RORA: variants seen among roughly 807,000 people sequenced by gnomAD.
The protein encoded by RORA is nuclear receptor ROR-alpha.
RORA carries 7 observed loss-of-function variants against 69.5 expected under a neutral mutation model. The ratio of observed to expected loss-of-function variants is 0.10; its 90% CI spans 0.06 to 0.19. The LOEUF (loss-of-function observed/expected upper bound fraction) is 0.19, where lower values mean the gene tolerates loss of function less well. Among genes scored for constraint, RORA ranks in the 10% least tolerant of loss-of-function variants. The pLI, the probability that RORA is intolerant of heterozygous loss-of-function variation, is 1.00. For missense variants in RORA, 457 were observed against 663.0 expected, an observed-to-expected ratio of 0.69 and a Z score of 3.41; for synonymous variants, 261 against 240.8, an observed-to-expected ratio of 1.08 and a Z score of -0.78.
chr15:60,986,952 A>G (rs1426910239), intron 1 of RORA, among the ~76,000 whole-genome samples: 1 of 152,054 alleles, frequency 6.6e-6, no homozygotes, highest in African/African-American at 2.4e-5. Context: ...TGGTTTTTTC[A>G]TATGTTTGTT....
intron 1 of RORA, among the ~76,000 whole-genome samples, chr15:61,135,422 T>G (rs1364701037): frequency 1.3e-5 from 2 of 152,032 alleles, no homozygotes; most frequent in African/African-American, 4.8e-5. Context: ...GGAAAACTAA[T>G]AGTATCTATT....
At chr15:61,015,632 T>C (rs566592246) in intron 1 of RORA, among the ~76,000 whole-genome samples, 42 of 152,308 alleles carry the variant, frequency 2.8e-4, no homozygotes, top group Admixed American at 1.3e-3. Context: ...CACAATGCCA[T>C]GAAGTCTGTG....
intron 1 of RORA, among the ~76,000 whole-genome samples, chr15:60,756,541 C>T (rs1159437076): frequency 1.3e-5 from 2 of 152,114 alleles, no homozygotes; most frequent in African/African-American, 2.4e-5. Flanking sequence ...AAGATCTCTC[C>T]GTTAAGTTCA....
chr15:61,074,163 T>C (rs1434545342), intron 1 of RORA, among the ~76,000 whole-genome samples: 2 of 152,182 alleles, frequency 1.3e-5, no homozygotes, highest in African/African-American at 4.8e-5. Flanking sequence ...CCAACACACT[T>C]TGATCTCACT....
At position 60,723,609 on chromosome 15, in the gene RORA, C is replaced by T. The variant is rs534538380; in HGVS notation, c.167-44923G>A. Among the ~76,000 whole-genome samples the T allele has an allele frequency of 1.5e-4, 23 of 152,186 alleles. 1 individual carries two copies. The highest frequency in any genetic ancestry group is 8.5e-4 in the Admixed American group (13 of 15,280). ...ATAATCCTCCCTGGAGGTTTTCACACTAAAACAAATATGGAATAAACTCAT... is the reference window on the plus strand; with the variant it reads ...ATAATCCTCCCTGGAGGTTTTCACATTAAAACAAATATGGAATAAACTCAT... On this transcript the variant is annotated intron_variant, in intron 1 of 10. Coordinates refer to ENST00000335670, the MANE Select transcript of RORA (RefSeq NM_134261.3).
At position 60,991,954 on chromosome 15, in the gene RORA, A is replaced by T. The variant is rs546793955; in HGVS notation, c.166+237099T>A. 2.6e-5 allele frequency among the ~76,000 whole-genome samples: 4 copies of T among 152,224 alleles called. No individual in the cohort carries two copies. The East Asian group carries it at 7.7e-4, about 29-fold the overall frequency. On this transcript the variant is annotated intron_variant, in intron 1 of 10. Transcript: ENST00000335670. Reference sequence around the variant, plus strand: ...AATAAAGTAAAATAAAATGGTAAAAAGTTAGAAACAACCTCAATGTCTAAC... The same window carrying T: ...AATAAAGTAAAATAAAATGGTAAAATGTTAGAAACAACCTCAATGTCTAAC...
chr15:60,943,676 G>A (rs1012194222), intron 1 of RORA, among the ~76,000 whole-genome samples: 4 of 152,008 alleles, frequency 2.6e-5, no homozygotes, highest in Admixed American at 2.6e-4. Flanking sequence ...AGCACTTTGG[G>A]AGGCTGAGGT....
intron 2 of RORA, among the ~76,000 whole-genome samples, chr15:60,649,876 A>G (rs1038453334): frequency 2.0e-5 from 3 of 152,116 alleles, no homozygotes; most frequent in Non-Finnish European, 4.4e-5. Context: ...AAAGCTCAAA[A>G]TGCAGTTCTG....
chr15:60,834,454 T>C (rs1204639774), intron 1 of RORA, among the ~76,000 whole-genome samples: 2 of 152,186 alleles, frequency 1.3e-5, no homozygotes, highest in African/African-American at 2.4e-5. Flanking sequence ...GCCCCAGATA[T>C]GTCCTAGGAT....
At position 61,128,225 on chromosome 15, in the gene RORA, C is replaced by G. The variant is rs536468881; in HGVS notation, c.166+100828G>C. 1.0e-3 allele frequency among the ~76,000 whole-genome samples: 133 copies of G among 131,998 alleles called. No individual in the cohort carries two copies. The highest frequency in any genetic ancestry group is 3.3e-3 in the African/African-American group (124 of 38,040). The allele number at this position is 131,998 out of a possible 152,430, so 86.6% of individuals were successfully genotyped here. ...CACACGTGTGTGTGTGTGTGTGTGT[C>G]TGTGTGTGAGTGTGTTTCTGCAAGG... is the stretch of plus-strand genomic sequence containing the variant. On this transcript the variant is annotated intron_variant, in intron 1 of 10. Transcript: ENST00000335670. This position sits in a 1 kb window ranked among gnomAD's most constrained non-coding sequence, Gnocchi z 4.5.
At chr15:60,558,108 T>C (rs1266966077) in intron 2 of RORA, 2 of 576,938 alleles carry the variant, frequency 3.5e-6, no homozygotes, top group Non-Finnish European at 5.9e-6. Context: ...ACCAAGATTT[T>C]TGTCTAGAAG....
At chr15:61,055,357 G>C (rs2078081024) in intron 1 of RORA, among the ~76,000 whole-genome samples, 2 of 152,128 alleles carry the variant, frequency 1.3e-5, no homozygotes, top group African/African-American at 2.4e-5. Flanking sequence ...AGTAAGCATG[G>C]CTTCACTAAG....
intron 1 of RORA, among the ~76,000 whole-genome samples, chr15:60,998,399 TTTC>T (rs766615038): frequency 4.7e-5 from 4 of 84,284 alleles, no homozygotes; most frequent in Admixed American, 1.2e-4. Flanking sequence ...TGTATATTTC[TTTC>T]TTTTTTTTTT....
rs527768954 is a variant in RORA, at chr15:60,679,813, TC to T, written c.167-1128del. Among the ~76,000 whole-genome samples the T allele has an allele frequency of 3.1e-3, 475 of 152,200 alleles. 1 individual carries two copies. The highest frequency in any genetic ancestry group is 0.011 in the African/African-American group (455 of 41,526). On this transcript the variant is annotated intron_variant, in intron 1 of 10. Coordinates refer to ENST00000335670, the MANE Select transcript of RORA (RefSeq NM_134261.3). ...GCCAAGACCAAAATCACACACTTGC[TC>T]CCCCCAACACTTTCCAAAGGACTTA...
intron 2 of RORA, among the ~76,000 whole-genome samples, chr15:60,597,633 CATAT>C (rs1382402262): frequency 4.1e-5 from 1 of 24,270 alleles, no homozygotes; most frequent in Non-Finnish European, 7.3e-5. Context: ...CATATATATA[CATAT>C]ATATATATAT....
chr15:60,872,323 C>T (rs2073566444), intron 1 of RORA, among the ~76,000 whole-genome samples: 1 of 152,170 alleles, frequency 6.6e-6, no homozygotes, highest in South Asian at 2.1e-4. Context: ...AAAAGGATAA[C>T]AAATTCAAAA....
At chr15:60,978,839 G>A (rs1893948738) in intron 1 of RORA, among the ~76,000 whole-genome samples, 1 of 151,786 alleles carries the variant, frequency 6.6e-6, no homozygotes, top group South Asian at 2.1e-4. Context: ...ATTTCTGTGT[G>A]GACTCTCAAT....
intron 1 of RORA, among the ~76,000 whole-genome samples, chr15:60,703,307 T>C (rs2071012687): frequency 6.6e-6 from 1 of 152,212 alleles, no homozygotes; most frequent in Non-Finnish European, 1.5e-5. Flanking sequence ...GAAGCAATGT[T>C]AGGTTTTCAC....
chr15:60,517,788 G>A (rs1303920716), intron 3 of RORA, among the ~76,000 whole-genome samples: 1 of 152,176 alleles, frequency 6.6e-6, no homozygotes, highest in African/African-American at 2.4e-5. Context: ...AGCTGAAGTT[G>A]AGTTTTGTTT....
Sources: gnomAD v4.1 joint callset for allele counts (sites outside exome capture counted in the v4.1 genomes callset) on GRCh38, gnomAD v4.1.1 for gene constraint, Gnocchi (gnomAD v3.1) non-coding constraint, MANE v1.5 for transcripts, NCBI Gene and HGNC (gene_info 2026-07-23, HGNC 2026-07-21) for gene names.